The following SH3RF2 variants were observed in gnomAD, a reference collection of about 807,000 sequenced individuals.
SH3RF2 encodes the protein SH3 domain containing ring finger 2.
SH3RF2 carries 43 observed loss-of-function variants against 59.0 expected under a neutral mutation model. That is an observed-to-expected ratio of 0.73 (90% confidence interval 0.57 to 0.94). The LOEUF (loss-of-function observed/expected upper bound fraction) is 0.94, where lower values mean the gene tolerates loss of function less well. Among genes scored for constraint, SH3RF2 ranks in the 40% least tolerant of loss-of-function variants. The pLI, the probability that SH3RF2 is intolerant of heterozygous loss-of-function variation, is 0.00. For missense variants in SH3RF2, 930 were observed against 940.1 expected, an observed-to-expected ratio of 0.99 and a Z score of 0.14; for synonymous variants, 391 against 391.5, an observed-to-expected ratio of 1.00 and a Z score of 0.01.
At chr5:145,963,009 T>A (rs1046914650) in intron 2 of SH3RF2, among the ~76,000 whole-genome samples, 7 of 150,632 alleles carry the variant, frequency 4.6e-5, no homozygotes, top group Non-Finnish European at 1.0e-4. Context: ...ACCATTCTCC[T>A]GTCTCAGCCA....
At chr5:145,940,521 T>C (rs1416836353) in intron 2 of SH3RF2, among the ~76,000 whole-genome samples, 1 of 152,214 alleles carries the variant, frequency 6.6e-6, no homozygotes, top group East Asian at 1.9e-4. Context: ...GTCAGAGGAA[T>C]GGACTTACAT....
At chr5:146,024,136 C>G (rs1381192585) in intron 5 of SH3RF2, among the ~76,000 whole-genome samples, 3 of 152,204 alleles carry the variant, frequency 2.0e-5, no homozygotes, top group South Asian at 4.1e-4. Context: ...TATAGTAACT[C>G]TGTGTTTAAG....
chr5:145,995,431 G>T (rs1293032144), intron 2 of SH3RF2, among the ~76,000 whole-genome samples: 1 of 152,064 alleles, frequency 6.6e-6, no homozygotes. Context: ...AACAGATTTG[G>T]GTCATTCCCC....
intron 8 of SH3RF2, among the ~76,000 whole-genome samples, chr5:146,059,274 C>T (rs1405846482): frequency 6.6e-6 from 1 of 152,148 alleles, no homozygotes; most frequent in African/African-American, 2.4e-5. Context: ...CTTGCCTAGC[C>T]CTTGCCACTC....
At chr5:146,015,931 T>C (rs1398926696) in intron 5 of SH3RF2, among the ~76,000 whole-genome samples, 3 of 152,192 alleles carry the variant, frequency 2.0e-5, no homozygotes, top group Non-Finnish European at 2.9e-5. Flanking sequence ...TTATGACATA[T>C]CTAATGATGA....
Position 145,938,033 on chromosome 5 carries a change from A to T in SH3RF2, c.105A>T (p.Pro35=). ...CTTGCCAGCACACCTTCTGCAAACC[A>T]TGTCTACAGAGGGTTTTCAAGGCCC... The part of the protein sequence containing the change: ...VLPCQHTFCK[P]CLQRVFKAHK... Residue 35 remains proline, a synonymous_variant, in exon 2 of 10, where the codon CCA becomes CCT. Transcript: ENST00000359120. 6.2e-7 allele frequency: 1 copy of T among 1,614,182 alleles called. No homozygotes were observed.
chr5:145,980,817 A>T (rs947639222), intron 2 of SH3RF2, among the ~76,000 whole-genome samples: 1 of 152,186 alleles, frequency 6.6e-6, no homozygotes, highest in Non-Finnish European at 1.5e-5. Context: ...AATAGAGAAA[A>T]TAATAATAAT....
chr5:145,982,943 A>T (rs1277620899), intron 2 of SH3RF2, among the ~76,000 whole-genome samples: 4 of 152,194 alleles, frequency 2.6e-5, no homozygotes, highest in Non-Finnish European at 2.9e-5. Context: ...AGATCCACCA[A>T]ATAGGCATAA....
intron 2 of SH3RF2, among the ~76,000 whole-genome samples, chr5:145,987,724 G>A (rs1420859829): frequency 3.4e-5 from 5 of 145,942 alleles, no homozygotes; most frequent in Non-Finnish European, 7.3e-5. Flanking sequence ...AGCATGGTCG[G>A]CACTCAAAAA....
At chr5:146,004,459 T>C (rs1254605251) in intron 4 of SH3RF2, among the ~76,000 whole-genome samples, 1 of 152,202 alleles carries the variant, frequency 6.6e-6, no homozygotes, top group Non-Finnish European at 1.5e-5. Context: ...TGGGAGTTTA[T>C]TGTAAGAAAA....
chr5:145,971,886 G>A (rs1466818394), intron 2 of SH3RF2, among the ~76,000 whole-genome samples: 1 of 152,018 alleles, frequency 6.6e-6, no homozygotes, highest in Non-Finnish European at 1.5e-5. Context: ...TGATGATGAT[G>A]ATGATGATGA....
intron 8 of SH3RF2, among the ~76,000 whole-genome samples, chr5:146,057,972 C>CTATATATATATATATA (rs1402735122): frequency 1.2e-4 from 10 of 81,338 alleles, no homozygotes; most frequent in African/African-American, 3.0e-4. Context: ...CTCTCTCTAT[C>CTATATATATATATATA]TATCTATCTA....
chr5:146,024,513 G>C (rs776591636), intron 5 of SH3RF2, among the ~76,000 whole-genome samples: 2 of 151,956 alleles, frequency 1.3e-5, no homozygotes, highest in Non-Finnish European at 2.9e-5. Context: ...TTCATTCTGC[G>C]TGTTGCCTTT....
At chr5:145,999,649 G>A (rs1482423467) in intron 2 of SH3RF2, among the ~76,000 whole-genome samples, 1 of 151,734 alleles carries the variant, frequency 6.6e-6, no homozygotes, top group Non-Finnish European at 1.5e-5. Context: ...GAGAGAGATG[G>A]GAAAATGACC....
At chr5:146,051,400 G>T (rs763614529) in intron 7 of SH3RF2, among the ~76,000 whole-genome samples, 1 of 152,170 alleles carries the variant, frequency 6.6e-6, no homozygotes, top group Non-Finnish European at 1.5e-5. Flanking sequence ...AAGGAAAAGG[G>T]GGAAGCAGAA....
intron 2 of SH3RF2, among the ~76,000 whole-genome samples, chr5:145,962,332 A>G (rs185806946): frequency 2.0e-4 from 31 of 152,356 alleles, no homozygotes; most frequent in African/African-American, 5.5e-4. Context: ...GTAAGAAAAC[A>G]TTTAAGTCCT....
chr5:146,013,527 T>C (rs1760987773), intron 4 of SH3RF2, among the ~76,000 whole-genome samples: 1 of 152,188 alleles, frequency 6.6e-6, no homozygotes, highest in Non-Finnish European at 1.5e-5. Flanking sequence ...GAGTAATACT[T>C]ACTTTGCAGG....
Position 145,965,525 on chromosome 5 carries a change from A to G in SH3RF2, c.378+27219A>G, listed in dbSNP as rs912911747. Among the ~76,000 whole-genome samples, 3 of 152,322 alleles carry G rather than the reference A, an allele frequency of 2.0e-5. No individual in the cohort carries two copies. The South Asian group carries it at 6.2e-4, about 32-fold the overall frequency. Reference sequence around the variant, plus strand: ...TCCTGTTAAACTAAGAGGGAAAAAAAAGTTGAAGTTCAGTTATATTCATTT... The same window carrying G: ...TCCTGTTAAACTAAGAGGGAAAAAAGAGTTGAAGTTCAGTTATATTCATTT... On this transcript the variant is annotated intron_variant, in intron 2 of 9. Transcript: ENST00000359120.
At chr5:146,014,401 G>T (rs950017985) in intron 5 of SH3RF2, among the ~76,000 whole-genome samples, 3 of 152,128 alleles carry the variant, frequency 2.0e-5, no homozygotes, top group Non-Finnish European at 2.9e-5. Context: ...CCTCTAAGGA[G>T]ATGATGGCAC....
Sources: gnomAD v4.1 joint callset for allele counts (sites outside exome capture counted in the v4.1 genomes callset) on GRCh38, gnomAD v4.1.1 for gene constraint, MANE v1.5 for transcripts, NCBI Gene and HGNC (gene_info 2026-07-23, HGNC 2026-07-21) for gene names.